CCSER1: variants seen among roughly 807,000 people sequenced by gnomAD.
CCSER1 encodes coiled-coil serine rich protein 1, also known as serine-rich coiled-coil domain-containing protein 1.
Under a neutral mutation model 82.0 loss-of-function variants are expected in CCSER1, and 41 were observed. The observed-to-expected ratio is 0.50, with a 90% CI of 0.39 to 0.65. The LOEUF (loss-of-function observed/expected upper bound fraction) is 0.65. Among genes scored for constraint, CCSER1 ranks in the 30% least tolerant of loss-of-function variants. The pLI, the probability that CCSER1 is intolerant of heterozygous loss-of-function variation, is 0.00. For missense variants in CCSER1, 1,119 were observed against 1,064.2 expected (o/e 1.05, Z -0.72); for synonymous variants, 414 against 383.9 (o/e 1.08, Z -0.92).
chr4:91,490,927 T>A lies in CCSER1; in HGVS notation c.2218-107645T>A, dbSNP rs866597675. 2.1e-3 allele frequency among the ~76,000 whole-genome samples: 175 copies of A among 82,884 alleles called. 1 individual carries two copies. The highest frequency in any genetic ancestry group is 6.0e-3 in the South Asian group (15 of 2,508). 54.4% of individuals were successfully genotyped at this position (82,884 alleles called of 152,430 possible). ...ATATATATATATATATATATATATA[T>A]AAAATATGCGTCTACTATGTACCCA... On this transcript the variant is annotated intron_variant, in intron 10 of 10. Transcript: ENST00000509176.
chr4:90,475,756 T>C (rs1764988940), intron 5 of CCSER1, among the ~76,000 whole-genome samples: 1 of 152,172 alleles, frequency 6.6e-6, no homozygotes, highest in Non-Finnish European at 1.5e-5. Flanking sequence ...AGGACTCTCA[T>C]GCACCCATGA....
chr4:90,775,951 G>A (rs1752834996), intron 7 of CCSER1, among the ~76,000 whole-genome samples: 1 of 151,598 alleles, frequency 6.6e-6, no homozygotes, highest in Non-Finnish European at 1.5e-5. Flanking sequence ...GAACAATTAG[G>A]AGGCCTGACT....
At chr4:90,851,552 T>C (rs932186427) in intron 8 of CCSER1, among the ~76,000 whole-genome samples, 2 of 151,190 alleles carry the variant, frequency 1.3e-5, no homozygotes, top group African/African-American at 4.9e-5. Context: ...TTGAACCACA[T>C]TTTATTGGCT....
chr4:91,493,645 C>A (rs186734042), intron 10 of CCSER1, among the ~76,000 whole-genome samples: 2 of 151,694 alleles, frequency 1.3e-5, no homozygotes, highest in African/African-American at 4.8e-5. Context: ...TTTTGCTAGT[C>A]TGTTTACTGT....
intron 10 of CCSER1, among the ~76,000 whole-genome samples, chr4:91,210,544 T>A (rs1481713368): frequency 7.4e-6 from 1 of 134,236 alleles, no homozygotes; most frequent in South Asian, 2.2e-4. Flanking sequence ...TACACTGTGA[T>A]TTTTTTTTTT....
At chr4:91,161,085 T>C (rs1202197186) in intron 10 of CCSER1, among the ~76,000 whole-genome samples, 1 of 152,154 alleles carries the variant, frequency 6.6e-6, no homozygotes, top group Non-Finnish European at 1.5e-5. Context: ...TAGTATAAGG[T>C]GTAAGGAAGG....
chr4:91,058,460 A>G (rs1743647554), intron 9 of CCSER1, among the ~76,000 whole-genome samples: 2 of 152,238 alleles, frequency 1.3e-5, no homozygotes, highest in African/African-American at 4.8e-5. Context: ...AATAGCTACC[A>G]TGGTCTGGCA....
At chr4:91,048,919 C>T (rs1008011246) in intron 9 of CCSER1, among the ~76,000 whole-genome samples, 1 of 152,044 alleles carries the variant, frequency 6.6e-6, no homozygotes, top group African/African-American at 2.4e-5. Flanking sequence ...CTTAATGATC[C>T]ATTATTGGCA....
At chr4:90,444,425 A>G (rs891683367) in intron 4 of CCSER1, among the ~76,000 whole-genome samples, 1 of 152,058 alleles carries the variant, frequency 6.6e-6, no homozygotes, top group Non-Finnish European at 1.5e-5. Flanking sequence ...CATTTTTCTC[A>G]TAGCTATTTT....
intron 6 of CCSER1, among the ~76,000 whole-genome samples, chr4:90,654,511 T>G (rs1312869906): frequency 1.3e-5 from 2 of 152,120 alleles, no homozygotes; most frequent in Non-Finnish European, 2.9e-5. Context: ...TTAACCCATT[T>G]TCCATTCTAA....
chr4:90,209,098 G>T (rs976701839), intron 1 of CCSER1, among the ~76,000 whole-genome samples: 1 of 152,174 alleles, frequency 6.6e-6, no homozygotes, highest in Non-Finnish European at 1.5e-5. Flanking sequence ...ATGCTCAGAG[G>T]CTTACTTGTT....
At chr4:90,968,794 A>G (rs1391009057) in intron 9 of CCSER1, among the ~76,000 whole-genome samples, 2 of 151,988 alleles carry the variant, frequency 1.3e-5, no homozygotes, top group East Asian at 1.9e-4. Context: ...ACATAACACT[A>G]TGACAGAACA....
intron 1 of CCSER1, among the ~76,000 whole-genome samples, chr4:90,252,668 T>G (rs1376044211): frequency 6.6e-6 from 1 of 151,888 alleles, no homozygotes; most frequent in African/African-American, 2.4e-5. Context: ...AAATGTTCAA[T>G]TAAATTATTA....
intron 10 of CCSER1, among the ~76,000 whole-genome samples, chr4:91,176,674 C>G (rs1054173411): frequency 4.6e-5 from 7 of 152,124 alleles, no homozygotes; most frequent in Admixed American, 6.5e-5. Flanking sequence ...GATTTTGTAT[C>G]CTGAGACTTT....
At chr4:90,488,151 G>C (rs779424232) in intron 5 of CCSER1, among the ~76,000 whole-genome samples, 9 of 152,048 alleles carry the variant, frequency 5.9e-5, no homozygotes, top group Non-Finnish European at 1.0e-4. Flanking sequence ...CTACATGATT[G>C]TTTAAGTCCT....
intron 9 of CCSER1, among the ~76,000 whole-genome samples, chr4:91,033,334 T>G (rs1741148761): frequency 6.6e-6 from 1 of 152,116 alleles, no homozygotes; most frequent in Non-Finnish European, 1.5e-5. Context: ...AGCTGGAATT[T>G]TCTTAGAGGG....
At chr4:91,382,935 T>C (rs1186269389) in intron 10 of CCSER1, among the ~76,000 whole-genome samples, 3 of 151,858 alleles carry the variant, frequency 2.0e-5, no homozygotes, top group African/African-American at 7.2e-5. Context: ...TCCATCAATA[T>C]CGAGGCAGGA....
intron 6 of CCSER1, among the ~76,000 whole-genome samples, chr4:90,650,086 A>G (rs927837357): frequency 2.6e-5 from 4 of 152,034 alleles, no homozygotes; most frequent in African/African-American, 9.7e-5. Context: ...GCATGGTGGC[A>G]GGCACCTGTA....
intron 8 of CCSER1, among the ~76,000 whole-genome samples, chr4:90,896,882 T>C (rs2150133009): frequency 6.6e-6 from 1 of 152,038 alleles, no homozygotes. Context: ...TTAATGTGGT[T>C]CAAAAATTAG....
Sources: gnomAD v4.1 joint callset for allele counts (sites outside exome capture counted in the v4.1 genomes callset) on GRCh38, gnomAD v4.1.1 for gene constraint, MANE v1.5 for transcripts, NCBI Gene and HGNC (gene_info 2026-07-23, HGNC 2026-07-21) for gene names.